The following FSTL5 variants were observed in gnomAD, a reference collection of about 807,000 sequenced individuals.
The protein encoded by FSTL5 is follistatin-related protein 5.
In FSTL5, 62 loss-of-function variants were observed where a neutral mutation model predicts 89.1. The observed-to-expected ratio is 0.70, with a 90% confidence interval of 0.57 to 0.86. The LOEUF (loss-of-function observed/expected upper bound fraction) is 0.86, where lower values mean the gene tolerates loss of function less well. Among genes scored for constraint, FSTL5 ranks in the 40% least tolerant of loss-of-function variants. The pLI is 0.00. For missense variants in FSTL5, 1,057 were observed against 1,001.6 expected (o/e 1.06, Z -0.75); for synonymous variants, 383 against 346.2 (o/e 1.11, Z -1.18).
At chr4:161,708,807 G>A (rs1056234614) in intron 6 of FSTL5, among the ~76,000 whole-genome samples, 6 of 152,062 alleles carry the variant, frequency 3.9e-5, no homozygotes, top group African/African-American at 1.4e-4. Flanking sequence ...CAAATGTGAT[G>A]CTAGTTCTAG....
intron 6 of FSTL5, among the ~76,000 whole-genome samples, chr4:161,716,012 C>T (rs189844549): frequency 8.5e-5 from 13 of 152,186 alleles, no homozygotes; most frequent in East Asian, 3.9e-4. Context: ...GCTCATTACA[C>T]GCAGCATCAA....
chr4:161,778,616 T>C (rs191278330), intron 4 of FSTL5, among the ~76,000 whole-genome samples: 2 of 152,342 alleles, frequency 1.3e-5, no homozygotes, highest in East Asian at 3.9e-4. Context: ...AGCAATCCTG[T>C]CAACAAGTTC....
At chr4:161,518,008 T>C (rs967916206) in intron 10 of FSTL5, among the ~76,000 whole-genome samples, 2 of 152,230 alleles carry the variant, frequency 1.3e-5, no homozygotes, top group Non-Finnish European at 2.9e-5. Flanking sequence ...GAGAATGAAC[T>C]AAGACTTTAA....
chr4:161,977,639 A>AT (rs1373859019), intron 3 of FSTL5, among the ~76,000 whole-genome samples: 247 of 100,938 alleles, frequency 2.4e-3, no homozygotes, highest in South Asian at 6.3e-3. Context: ...AAAAAAAAAA[A>AT]AATAATAATA....
chr4:162,151,714 C>A (rs145375025), intron 1 of FSTL5, among the ~76,000 whole-genome samples: 92 of 152,242 alleles, frequency 6.0e-4, no homozygotes, highest in African/African-American at 2.1e-3. Context: ...TAAATCAAAT[C>A]CATTTAAGGC....
At chr4:162,117,724 T>C (rs1731696848) in intron 1 of FSTL5, among the ~76,000 whole-genome samples, 1 of 152,220 alleles carries the variant, frequency 6.6e-6, no homozygotes, top group African/African-American at 2.4e-5. Flanking sequence ...GGCTATTGGC[T>C]TGTTTATTCT....
chr4:162,136,722 T>A (rs1732534498), intron 1 of FSTL5, among the ~76,000 whole-genome samples: 2 of 152,058 alleles, frequency 1.3e-5, no homozygotes, highest in Admixed American at 6.6e-5. Flanking sequence ...CAAAGTGTAT[T>A]CTGCAGAACA....
rs1269758202 is a variant in FSTL5, at chr4:161,977,552, G to C, written c.160+56073C>G. Among the ~76,000 whole-genome samples, 5 of 147,258 alleles carry C rather than the reference G, an allele frequency of 3.4e-5. 1 individual carries two copies. In the Middle Eastern group the frequency reaches 0.018, roughly 530 times the overall value. ...GGCGTGTACATGGAAGGCGGAGCTTGCAGTGAGCCGAGATCACGCCACTGC... is the reference window on the plus strand; with the variant it reads ...GGCGTGTACATGGAAGGCGGAGCTTCCAGTGAGCCGAGATCACGCCACTGC... On this transcript the variant is annotated intron_variant, in intron 3 of 15. Coordinates refer to ENST00000306100, the MANE Select transcript of FSTL5 (RefSeq NM_020116.5).
chr4:161,561,306 C>A (rs773267098), intron 8 of FSTL5, among the ~76,000 whole-genome samples: 3 of 151,984 alleles, frequency 2.0e-5, no homozygotes, highest in Non-Finnish European at 4.4e-5. Context: ...AAAAGTATCT[C>A]TGTAAGACTC....
chr4:162,010,704 G>T (rs191971353), intron 3 of FSTL5, among the ~76,000 whole-genome samples: 239 of 152,218 alleles, frequency 1.6e-3, no homozygotes, highest in African/African-American at 5.5e-3. Context: ...AGAAAATGTC[G>T]CCTCTTGCGT....
chr4:161,386,110 T>C lies in FSTL5; in HGVS notation c.2181A>G (p.Ile727Met), dbSNP rs776315169. ...TTGTGTAAATATCAAAAGCCTCCTG[T>C]ATTTCTCCTCTGATGGTAATGTACT... ...RVQYITIRGE[I>M]QEAFDIYTNL... The change falls in exon 16 of 16, where the codon ATA becomes ATG. Residue 727 changes from isoleucine to methionine, a missense_variant. Ile to Met is a conservative substitution (Grantham distance 10, BLOSUM62 1). This residue lies in a region of FSTL5 where 980 missense variants were observed against 903.2 expected (regional missense o/e 1.08). Coordinates refer to ENST00000306100, the MANE Select transcript of FSTL5 (RefSeq NM_020116.5). 1 of 1,614,074 alleles carries C rather than the reference T, an allele frequency of 6.2e-7. No homozygotes were observed. The highest frequency in any genetic ancestry group is 1.1e-5 in the South Asian group (1 of 91,088).
chr4:161,939,482 A>C (rs2110919023), intron 3 of FSTL5, among the ~76,000 whole-genome samples: 1 of 152,086 alleles, frequency 6.6e-6, no homozygotes, highest in Admixed American at 6.6e-5. Flanking sequence ...AGGTTATCTA[A>C]GCAGTGGTTT....
rs778080279 is a variant in FSTL5, at chr4:161,386,270, G to A, written c.2021C>T (p.Ser674Phe). Residue 674 changes from serine to phenylalanine, a missense_variant, in exon 16 of 16, where the codon TCC becomes TTC. Coordinates refer to ENST00000306100, the MANE Select transcript of FSTL5 (RefSeq NM_020116.5). Reference protein sequence around the residue: ...GCKPDSTGAVSPQVMVDGVTD... With the variant: ...GCKPDSTGAVFPQVMVDGVTD... ...TACACCGTCCACCATGACCTGTGGG[G>A]AAACTGCTCCGGTGCTGTCAGGTTT... 8 of 1,613,956 alleles carry A rather than the reference G, an allele frequency of 5.0e-6. No individual in the cohort carries two copies. Among genetic ancestry groups the A allele is most frequent in the East Asian group, 2.2e-5 (1 of 44,844 alleles).
chr4:161,560,435 C>A (rs970096597), intron 8 of FSTL5, among the ~76,000 whole-genome samples: 3 of 151,806 alleles, frequency 2.0e-5, no homozygotes, highest in Non-Finnish European at 4.4e-5. Flanking sequence ...AATAAATTTT[C>A]CTTAGCTTAC....
intron 6 of FSTL5, among the ~76,000 whole-genome samples, chr4:161,688,491 T>C (rs1737817775): frequency 6.6e-6 from 1 of 152,178 alleles, no homozygotes; most frequent in African/African-American, 2.4e-5. Context: ...CTACCACATT[T>C]TGTGGGTCAG....
At chr4:161,395,254 A>G (rs1412273514) in intron 15 of FSTL5, among the ~76,000 whole-genome samples, 1 of 152,124 alleles carries the variant, frequency 6.6e-6, no homozygotes, top group Non-Finnish European at 1.5e-5. Flanking sequence ...TAGAAAATAA[A>G]CTGTAAACCT....
Position 162,018,819 on chromosome 4 carries a change from A to G in FSTL5, c.160+14806T>C, listed in dbSNP as rs113475130. ...GGAGTTACATATTTTTCTGTCTTGCATATCAGTGTAGACAGATCTGTCTTC... is the reference window on the plus strand; with the variant it reads ...GGAGTTACATATTTTTCTGTCTTGCGTATCAGTGTAGACAGATCTGTCTTC... On this transcript the variant is annotated intron_variant, in intron 3 of 15. Coordinates refer to ENST00000306100, the MANE Select transcript of FSTL5 (RefSeq NM_020116.5). 1.1e-3 allele frequency among the ~76,000 whole-genome samples: 175 copies of G among 152,246 alleles called. 1 individual carries two copies. Among genetic ancestry groups the G allele is most frequent in the Non-Finnish European group, 2.0e-3 (138 of 68,006 alleles).
intron 4 of FSTL5, among the ~76,000 whole-genome samples, chr4:161,852,870 G>A (rs1343845630): frequency 2.0e-5 from 3 of 152,104 alleles, no homozygotes; most frequent in Non-Finnish European, 4.4e-5. Context: ...GCATCAGGAA[G>A]AATAGCTAAT....
At chr4:161,767,408 C>T (rs716917) in intron 5 of FSTL5, among the ~76,000 whole-genome samples, 81,863 of 151,978 alleles carry the variant, frequency 0.54, 25,377 homozygotes, top group Non-Finnish European at 0.7. Context: ...ACACGTTTGT[C>T]GAGGCTTTTC....
Sources: allele counts gnomAD v4.1 joint callset (sites outside exome capture counted in the v4.1 genomes callset), GRCh38; gene constraint gnomAD v4.1.1; regional missense constraint gnomAD v4.1.1; transcripts MANE v1.5; gene names NCBI Gene and HGNC (gene_info 2026-07-23, HGNC 2026-07-21).